Variants in DIP2C observed in about 807,000 individuals in gnomAD.
DIP2C encodes the protein DIP2 acetate--CoA ligase C (putative).
A neutral mutation model predicts 192.4 loss-of-function variants in DIP2C; 33 were observed. The observed-to-expected ratio is 0.17, with a 90% CI of 0.13 to 0.23. DIP2C has a LOEUF of 0.23. Ranked by LOEUF, DIP2C falls within the 10% of genes least tolerant of loss-of-function variation. The pLI is 1.00. For synonymous variants in DIP2C, 979 were observed against 864.1 expected, an observed-to-expected ratio of 1.13 and a Z score of -2.33; for missense variants, 1,537 against 2,110.1, an observed-to-expected ratio of 0.73 and a Z score of 5.32.
At chr10:345,213 G>C (rs928731608) in intron 26 of DIP2C, 103 bp from the exon 27 acceptor site, 69 of 1,124,958 alleles carry the variant, frequency 6.1e-5, no homozygotes, top group Non-Finnish European at 8.6e-5. Flanking sequence ...AAACCATGTA[G>C]CTTTAACGGG....
At chr10:358,761 T>G (rs1181649787) in intron 22 of DIP2C, among the ~76,000 whole-genome samples, 1 of 968 alleles carries the variant, frequency 1.0e-3, no homozygotes, top group Non-Finnish European at 2.0e-3. Flanking sequence ...GGATGGGAGG[T>G]GGGGGACGGG....
chr10:282,986 T>A (rs1954914603), intron 35 of DIP2C, among the ~76,000 whole-genome samples: 1 of 152,234 alleles, frequency 6.6e-6, no homozygotes, highest in Non-Finnish European at 1.5e-5. Context: ...TTGCTGTGGG[T>A]GACACTGCAG....
At chr10:680,165 C>G (rs1035852937) in intron 1 of DIP2C, among the ~76,000 whole-genome samples, 2 of 152,178 alleles carry the variant, frequency 1.3e-5, no homozygotes, top group African/African-American at 4.8e-5. Context: ...GCTTGGGACC[C>G]TGGCACAGAC....
chr10:425,154 G>A (rs1589766812), intron 4 of DIP2C, among the ~76,000 whole-genome samples: 1 of 6,156 alleles, frequency 1.6e-4, no homozygotes, highest in Non-Finnish European at 1.2e-3. Context: ...GATACAGCAT[G>A]ACCAGCAGTG....
chr10:341,160 T>G, intron 29 of DIP2C, 39 bp downstream of exon 29: 3 of 1,612,910 alleles, frequency 1.9e-6, no homozygotes, highest in Non-Finnish European at 2.5e-6. Context: ...GGAAGGTGCA[T>G]GATTTTTTTT....
intron 29 of DIP2C, among the ~76,000 whole-genome samples, chr10:333,894 T>A (rs1957618179): frequency 6.6e-6 from 1 of 152,232 alleles, no homozygotes; most frequent in South Asian, 2.1e-4. Flanking sequence ...TGCATTTCCC[T>A]AATTAACGCT....
At chr10:424,133 G>C (rs955919165) in intron 4 of DIP2C, among the ~76,000 whole-genome samples, 1 of 152,134 alleles carries the variant, frequency 6.6e-6, no homozygotes, top group Non-Finnish European at 1.5e-5. Context: ...TGAGTTATGA[G>C]AGACGCCAGC....
At chr10:499,874 G>A (rs1564792534) in intron 1 of DIP2C, among the ~76,000 whole-genome samples, 1 of 152,198 alleles carries the variant, frequency 6.6e-6, no homozygotes, top group Non-Finnish European at 1.5e-5. Flanking sequence ...TTATCATAGA[G>A]CAAGCATGGA....
intron 16 of DIP2C, 151 bp downstream of exon 16, chr10:383,876 G>A: frequency 8.8e-7 from 1 of 1,130,042 alleles, no homozygotes; most frequent in Non-Finnish European, 1.2e-6. Context: ...TCTTTACTAA[G>A]ATAAGGATTA....
At position 363,254 on chromosome 10, in the gene DIP2C, C is replaced by T. The variant is rs760380541; in HGVS notation, c.2535G>A (p.Glu845=). ...CCTCTTCCGTGGAGTCAGGCCTCTG[C>T]TCAGCCACGATCACGATCCTCTCGT... is the stretch of plus-strand genomic sequence containing the variant. The part of the protein sequence containing the change: ...LHDERIVIVA[E]QRPDSTEEDS... Residue 845 remains glutamate (E), a synonymous_variant, in exon 21 of 37, where the codon GAG becomes GAA. Transcript: ENST00000280886. This position sits in a 1 kb window ranked among gnomAD's most constrained non-coding sequence, Gnocchi z 5.4. The T allele has an allele frequency of 1.9e-6, 3 of 1,613,618 alleles. No individual in the cohort carries two copies. The East Asian group carries it at 6.7e-5, about 36-fold the overall frequency.
intron 3 of DIP2C, among the ~76,000 whole-genome samples, chr10:462,191 G>T (rs1246845613): frequency 6.6e-6 from 1 of 152,058 alleles, no homozygotes; most frequent in South Asian, 2.1e-4. Context: ...GAGCAGAAAT[G>T]AAGGAGACAG....
chr10:599,723 A>G (rs1851934860), intron 1 of DIP2C, among the ~76,000 whole-genome samples: 1 of 151,942 alleles, frequency 6.6e-6, no homozygotes, highest in Non-Finnish European at 1.5e-5. Flanking sequence ...ACTCAACTGC[A>G]ACCCTCATGT....
chr10:361,501 C>A (rs181978617), intron 22 of DIP2C, among the ~76,000 whole-genome samples: 1 of 152,294 alleles, frequency 6.6e-6, no homozygotes, highest in Non-Finnish European at 1.5e-5. Flanking sequence ...TGCAAAGGAT[C>A]CTCCTCCTTC....
At chr10:384,339 A>C (rs1962674974) in intron 15 of DIP2C, among the ~76,000 whole-genome samples, 193 bp from the exon 16 acceptor site, 1 of 130,196 alleles carries the variant, frequency 7.7e-6, no homozygotes, top group South Asian at 2.5e-4. Context: ...CCTGGGTTCA[A>C]GATTTCTCCT....
chr10:422,133 A>C (rs1231979880), intron 5 of DIP2C, among the ~76,000 whole-genome samples: 1 of 152,218 alleles, frequency 6.6e-6, no homozygotes, highest in African/African-American at 2.4e-5. Flanking sequence ...CGTGGTAAGC[A>C]GTCGTCTCCG....
intron 1 of DIP2C, among the ~76,000 whole-genome samples, chr10:535,768 G>GC (rs1330416200): frequency 1.3e-5 from 2 of 152,112 alleles, no homozygotes; most frequent in Non-Finnish European, 2.9e-5. Flanking sequence ...TGTAAAGGGA[G>GC]CCTATAGGTT....
intron 29 of DIP2C, among the ~76,000 whole-genome samples, chr10:337,421 T>TGTGTGTTC: frequency 7.1e-6 from 1 of 141,792 alleles, no homozygotes; most frequent in Middle Eastern, 4.2e-3. Flanking sequence ...TGTGTGTGTG[T>TGTGTGTTC]TGTGGAGGCC....
chr10:467,535 AAAAT>A (rs374191853), intron 3 of DIP2C, among the ~76,000 whole-genome samples: 7,184 of 34,284 alleles, frequency 0.21, 531 homozygotes, highest in African/African-American at 0.23. Context: ...GTATAAAAAA[AAAAT>A]AAATAAAATA....
At chr10:634,757 T>TAA (rs374307071) in intron 1 of DIP2C, among the ~76,000 whole-genome samples, 1 of 135,012 alleles carries the variant, frequency 7.4e-6, no homozygotes, top group South Asian at 2.3e-4. Flanking sequence ...ATCTCAAAAA[T>TAA]AAAAAAAAAA....
Sources: allele counts gnomAD v4.1 joint callset (sites outside exome capture counted in the v4.1 genomes callset), GRCh38; gene constraint gnomAD v4.1.1; non-coding constraint Gnocchi (gnomAD v3.1); transcripts MANE v1.5; gene names NCBI Gene and HGNC (gene_info 2026-07-23, HGNC 2026-07-21).